CPNE4: variants seen among roughly 807,000 people sequenced by gnomAD.
CPNE4 encodes the protein copine-4.
CPNE4 carries 25 observed loss-of-function variants against 67.9 expected under a neutral mutation model. The ratio of observed to expected loss-of-function variants is 0.37; its 90% CI spans 0.27 to 0.51. CPNE4 has a LOEUF of 0.51. CPNE4 is among the 20% of genes least tolerant of loss of function. The pLI, the probability that CPNE4 is intolerant of heterozygous loss-of-function variation, is 0.93. For synonymous variants in CPNE4, 242 were observed against 244.9 expected (o/e 0.99, Z 0.11); for missense variants, 464 against 690.8 (o/e 0.67, Z 3.68).
chr3:131,882,397 G>C (rs981200051), intron 2 of CPNE4, among the ~76,000 whole-genome samples: 24 of 152,246 alleles, frequency 1.6e-4, no homozygotes, highest in African/African-American at 5.3e-4. Context: ...GAGTCATTGA[G>C]TCTAATATTA....
At chr3:132,025,714 C>T (rs1015155114) in intron 1 of CPNE4, among the ~76,000 whole-genome samples, 18 of 152,140 alleles carry the variant, frequency 1.2e-4, no homozygotes, top group African/African-American at 4.3e-4. Flanking sequence ...GCTTCACAGC[C>T]ATCCTATAAC....
intron 1 of CPNE4, among the ~76,000 whole-genome samples, chr3:131,962,424 C>T (rs2072209352): frequency 6.6e-6 from 1 of 152,124 alleles, no homozygotes; most frequent in Admixed American, 6.5e-5. Flanking sequence ...ATGCAATGCA[C>T]CACCACCACA....
intron 7 of CPNE4, among the ~76,000 whole-genome samples, chr3:131,633,574 T>G (rs979648650): frequency 2.0e-5 from 3 of 150,176 alleles, no homozygotes; most frequent in Admixed American, 1.3e-4. Context: ...AAGTAACTCA[T>G]AAGTGAAGAC....
chr3:131,873,545 C>G (rs746316055), intron 2 of CPNE4, among the ~76,000 whole-genome samples: 1 of 152,206 alleles, frequency 6.6e-6, no homozygotes, highest in Non-Finnish European at 1.5e-5. Flanking sequence ...GTTCTTGAGA[C>G]TTTATTTAGA....
intron 1 of CPNE4, among the ~76,000 whole-genome samples, chr3:131,914,907 C>T (rs533141736): frequency 3.7e-4 from 56 of 152,224 alleles, no homozygotes; most frequent in Non-Finnish European, 6.0e-4. Flanking sequence ...ACCCAGGAGG[C>T]GGAGTTTGCA....
chr3:131,916,159 T>G (rs191121394), intron 1 of CPNE4, among the ~76,000 whole-genome samples: 19 of 152,276 alleles, frequency 1.2e-4, no homozygotes, highest in Non-Finnish European at 2.8e-4. Context: ...GTTTTATTAT[T>G]TTGGCACTGA....
chr3:131,931,124 G>A (rs1334672648), intron 1 of CPNE4, among the ~76,000 whole-genome samples: 1 of 152,116 alleles, frequency 6.6e-6, no homozygotes, highest in Non-Finnish European at 1.5e-5. Flanking sequence ...AGTCAGGGAA[G>A]TTTCCGTTAT....
chr3:132,022,093 C>A (rs1481492031), intron 1 of CPNE4, among the ~76,000 whole-genome samples: 1 of 152,206 alleles, frequency 6.6e-6, no homozygotes, highest in African/African-American at 2.4e-5. Flanking sequence ...TATTTCCAGG[C>A]TGCTTAGCTT....
chr3:131,798,459 G>A (rs1363100596), intron 2 of CPNE4, among the ~76,000 whole-genome samples: 1 of 152,112 alleles, frequency 6.6e-6, no homozygotes, highest in Non-Finnish European at 1.5e-5. Context: ...CCATAAGAGA[G>A]TTAGGGGACA....
intron 1 of CPNE4, chr3:131,985,905 A>G (rs922580805): frequency 1.3e-5 from 2 of 154,104 alleles, no homozygotes; most frequent in Middle Eastern, 5.1e-4. Context: ...GACTTAGCAT[A>G]ATGGGATGAT....
At chr3:131,547,279 A>AC (rs1433116655) in intron 14 of CPNE4, among the ~76,000 whole-genome samples, 6 of 151,670 alleles carry the variant, frequency 4.0e-5, no homozygotes, top group African/African-American at 7.3e-5. Flanking sequence ...ACATAGCAAG[A>AC]CCCCACCTCT....
chr3:131,561,436 G>T (rs575073555), intron 11 of CPNE4, among the ~76,000 whole-genome samples: 2 of 152,056 alleles, frequency 1.3e-5, no homozygotes, highest in Admixed American at 1.3e-4. Context: ...CAGAGGAAAT[G>T]AGCAGCACCA....
intron 1 of CPNE4, among the ~76,000 whole-genome samples, chr3:131,979,338 A>G (rs138522348): frequency 6.6e-6 from 1 of 152,086 alleles, no homozygotes; most frequent in Non-Finnish European, 1.5e-5. Flanking sequence ...TAGGTCTATT[A>G]GTAATTGTTT....
chr3:131,764,549 T>A (rs10934978), intron 2 of CPNE4, among the ~76,000 whole-genome samples: 29,858 of 152,040 alleles, frequency 0.2, 3,606 homozygotes, highest in Non-Finnish European at 0.26. Flanking sequence ...AGCTATACTG[T>A]GGTGAAAATT....
chr3:131,795,037 T>C (rs2083883523), intron 2 of CPNE4, among the ~76,000 whole-genome samples: 1 of 152,230 alleles, frequency 6.6e-6, no homozygotes, highest in South Asian at 2.1e-4. Context: ...GTTAGTTGTT[T>C]ATTGCTTTAT....
At chr3:132,010,728 G>A in intron 1 of CPNE4, among the ~76,000 whole-genome samples, 1 of 152,154 alleles carries the variant, frequency 6.6e-6, no homozygotes, top group East Asian at 1.9e-4. Flanking sequence ...CCAAAGCTGA[G>A]CAAAATCAGG....
At chr3:131,920,141 C>G (rs2070700845) in intron 1 of CPNE4, among the ~76,000 whole-genome samples, 1 of 152,134 alleles carries the variant, frequency 6.6e-6, no homozygotes, top group Admixed American at 6.6e-5. Context: ...ATTTCTTAGC[C>G]TAGAATCACT....
At chr3:131,698,317 C>T (rs925949158) in intron 4 of CPNE4, among the ~76,000 whole-genome samples, 8 of 149,652 alleles carry the variant, frequency 5.3e-5, no homozygotes, top group Non-Finnish European at 1.0e-4. Context: ...CAGGATATCT[C>T]AGAGAAAATA....
chr3:131,695,191 G>A (rs2081122721), intron 5 of CPNE4, among the ~76,000 whole-genome samples: 1 of 152,138 alleles, frequency 6.6e-6, no homozygotes, highest in Non-Finnish European at 1.5e-5. Context: ...CTAAGGATCT[G>A]GACAAGACAT....
Sources: gnomAD v4.1 joint callset for allele counts (sites outside exome capture counted in the v4.1 genomes callset) on GRCh38, gnomAD v4.1.1 for gene constraint, MANE v1.5 for transcripts, NCBI Gene and HGNC (gene_info 2026-07-23, HGNC 2026-07-21) for gene names.